PSTK: variants seen among roughly 807,000 people sequenced by gnomAD.
The protein encoded by PSTK is L-seryl-tRNA(Sec) kinase.
A neutral mutation model predicts 38.6 loss-of-function variants in PSTK; 26 were observed. That is an observed-to-expected ratio of 0.67 (90% CI 0.49 to 0.94). The LOEUF (loss-of-function observed/expected upper bound fraction) is 0.94, where lower values mean the gene tolerates loss of function less well. Ranked by LOEUF, PSTK falls within the 40% of genes least tolerant of loss-of-function variation. PSTK has a pLI of 0.00. For synonymous variants in PSTK, 181 were observed against 161.7 expected (o/e 1.12, Z -0.91); for missense variants, 445 against 436.3 (o/e 1.02, Z -0.18).
intron 5 of PSTK, chr10:122,987,630 A>G: frequency 7.4e-7 from 1 of 1,354,594 alleles, no homozygotes; most frequent in South Asian, 1.5e-5. Context: ...AGTTTTACAC[A>G]GTAATTCCAT....
intron 5 of PSTK, chr10:122,987,359 G>A (rs1041858887): frequency 6.2e-7 from 1 of 1,614,140 alleles, no homozygotes; most frequent in Non-Finnish European, 8.5e-7. Context: ...TCTCAGAGAT[G>A]ACATTTAAGC....
intron 3 of PSTK, chr10:122,983,715 G>T: frequency 2.3e-6 from 1 of 439,722 alleles, no homozygotes; most frequent in Non-Finnish European, 4.1e-6. Flanking sequence ...GTTGGAGCAG[G>T]GAATTCAGAG....
chr10:122,987,010 A>G, intron 5 of PSTK, 48 bp downstream of exon 5: 2 of 1,184,374 alleles, frequency 1.7e-6, no homozygotes, highest in Non-Finnish European at 2.5e-6. Context: ...GTGACTTTCT[A>G]CTGCTACTGT....
At chr10:122,988,981 T>C (rs912121976) in intron 5 of PSTK, among the ~76,000 whole-genome samples, 1 of 152,012 alleles carries the variant, frequency 6.6e-6, no homozygotes, top group Non-Finnish European at 1.5e-5. Flanking sequence ...GGTGTATCCA[T>C]ACAACAAAAT....
intron 3 of PSTK, chr10:122,983,994 A>C (rs546026871): frequency 1.5e-3 from 229 of 153,268 alleles, no homozygotes; most frequent in Non-Finnish European, 2.8e-3. Context: ...TATTTGCACT[A>C]ATATGGTAGC....
rs536233518 is a variant in PSTK at position 122,986,956 on chromosome 10, G to A, written c.871G>A (p.Ala291Thr). The A allele has an allele frequency of 5.0e-6, 8 of 1,603,894 alleles. No individual in the cohort carries two copies. Among genetic ancestry groups the A allele is most frequent in the Non-Finnish European group, 6.8e-6 (8 of 1,170,870 alleles). ...GATTGTATCTCAGACAATGAAGGAA[G>A]CAAAAGGTATGATGTGTCAGTTATG... ...RRIVSQTMKE[A>T]KDEQVLPHNL... Residue 291 changes from alanine (A) to threonine (T), a missense_variant, in exon 5 of 6, where the codon GCA (alanine) becomes ACA (threonine). Ala to Thr is a moderately conservative substitution (Grantham distance 58). Coordinates refer to ENST00000406217, the MANE Select transcript of PSTK (RefSeq NM_001363531.2).
chr10:122,987,621 GT>G, intron 5 of PSTK: 1 of 1,381,206 alleles, frequency 7.2e-7, no homozygotes, highest in Non-Finnish European at 9.6e-7. Flanking sequence ...GGTAACTAGA[GT>G]TTTACACAGT....
At position 122,980,582 on chromosome 10, in the gene PSTK, G is replaced by C. The variant is rs1848942034; in HGVS notation, c.103G>C (p.Ala35Pro). The C allele has an allele frequency of 1.2e-6, 2 of 1,611,750 alleles. No individual in the cohort carries two copies. The highest frequency in any genetic ancestry group is 1.7e-6 in the Non-Finnish European group (2 of 1,179,522). The change falls in exon 1 of 6, where the codon GCG becomes CCG. Residue 35 changes from alanine (A) to proline (P), a missense_variant. Coordinates refer to ENST00000406217, the MANE Select transcript of PSTK (RefSeq NM_001363531.2). The surrounding 1 kb of genome is among the most constrained non-coding windows in gnomAD (Gnocchi z 4.3). ...CCCCGCGGCAGGAAAATCGACTTTC[G>C]CGCGCGCCCTCGCCCACCGGCTGCA... is the stretch of plus-strand genomic sequence containing the variant. ...GLPAAGKSTF[A>P]RALAHRLQQE...
In PSTK at chr10:122,980,755, C is replaced by CGGGGCGGGGA. The variant is rs1554863770; in HGVS notation, c.216+64_216+65insCGGGGAGGGG. 1.4e-5 allele frequency: 5 copies of CGGGGCGGGGA among 354,410 alleles called. No homozygotes were observed. Among genetic ancestry groups the CGGGGCGGGGA allele is most frequent in the Non-Finnish European group, 1.2e-5 (3 of 250,854 alleles). 22.0% of individuals were successfully genotyped at this position (354,410 alleles called of 1,614,324 possible). A position where few individuals can be genotyped will look rare whatever the true frequency, so the allele number is the denominator to read the frequency against. On this transcript the variant is annotated intron_variant, in intron 1 of 5. Transcript: ENST00000406217. The surrounding 1 kb of genome is among the most constrained non-coding windows in gnomAD (Gnocchi z 4.3). ...CGGGGCGGGGCGGGGCGGGGCGGGG[C>CGGGGCGGGGA]GGGGACACTCGCGTCCACGCGGTCC...
chr10:122,986,460 T>A, intron 4 of PSTK, 85 bp downstream of exon 4: 1 of 982,322 alleles, frequency 1.0e-6, no homozygotes, highest in Non-Finnish European at 1.6e-6. Context: ...AAAATGTGAG[T>A]GAAACGGGAG....
At chr10:122,987,004 C>G (rs779781026) in intron 5 of PSTK, 42 bp downstream of exon 5, 4 of 1,212,142 alleles carry the variant, frequency 3.3e-6, no homozygotes, top group Non-Finnish European at 4.9e-6. Context: ...ATGATTGTGA[C>G]TTTCTACTGC....
chr10:122,986,137 C>T (rs1033566149), intron 3 of PSTK, 163 bp from the exon 4 acceptor site: 7 of 406,756 alleles, frequency 1.7e-5, no homozygotes, highest in African/African-American at 6.4e-5. Flanking sequence ...AGGAGAATGG[C>T]GCAAATCCGG....
chr10:122,987,396 G>A (rs1415590887), intron 5 of PSTK: 9 of 1,614,190 alleles, frequency 5.6e-6, no homozygotes, highest in Non-Finnish European at 7.6e-6. Flanking sequence ...GAACCATGCA[G>A]CTATCTGGAG....
intron 3 of PSTK, chr10:122,984,507 C>G (rs1013728332): frequency 2.6e-5 from 4 of 152,098 alleles, no homozygotes. Flanking sequence ...GGAATCTTAT[C>G]TTAAGGTTAT....
intron 1 of PSTK, 53 bp from the exon 2 acceptor site, chr10:122,982,680 G>T: frequency 6.5e-7 from 1 of 1,540,324 alleles, no homozygotes; most frequent in South Asian, 1.2e-5. Context: ...GAGGCCAGAT[G>T]ACTGACCACC....
intron 3 of PSTK, 49 bp from the exon 4 acceptor site, chr10:122,986,251 A>C: frequency 2.1e-5 from 22 of 1,040,142 alleles, no homozygotes; most frequent in Non-Finnish European, 2.8e-5. Flanking sequence ...AAAAAAAGTC[A>C]GATGTTGGAT....
chr10:122,990,365 CA>C lies in PSTK; in HGVS notation c.1070del (p.Gln357ArgfsTer?). On this transcript the variant is annotated frameshift_variant, in exon 6 of 6. Coordinates refer to ENST00000406217, the MANE Select transcript of PSTK (RefSeq NM_001363531.2). LOFTEE classifies it high-confidence loss of function. Reference sequence around the variant, plus strand: ...TATTGTACAGAAGTATTTTTCAAAGCAGCATTAAAATTTCTGAACTGCCAAT... The same window carrying C: ...TATTGTACAGAAGTATTTTTCAAAGCGCATTAAAATTTCTGAACTGCCAAT... ...DNIVQKYFSKQH is the reference protein window; with the variant it reads ...DNIVQKYFSKXH The C allele has an allele frequency of 6.9e-7, 1 of 1,446,580 alleles. No individual in the cohort carries two copies. The highest frequency in any genetic ancestry group is 9.1e-7 in the Non-Finnish European group (1 of 1,093,270). 89.6% of individuals were successfully genotyped at this position (1,446,580 alleles called of 1,614,324 possible). A position where few individuals can be genotyped will look rare whatever the true frequency, so the allele number is the denominator to read the frequency against.
rs4980171 is a variant in PSTK, at chr10:122,983,684, C to T, written c.707+214C>T. 4 of 545,992 alleles carry T rather than the reference C, an allele frequency of 7.3e-6. No individual in the cohort carries two copies. The South Asian group carries it at 9.4e-5, about 13-fold the overall frequency. The allele number at this position is 545,992 out of a possible 1,614,324, so 33.8% of individuals were successfully genotyped here. Reference sequence around the variant, plus strand: ...TGCAAATGTCTGCTCATAACTGTTACGATTATACTGTCTTCCAGTAGTTGG... The same window carrying T: ...TGCAAATGTCTGCTCATAACTGTTATGATTATACTGTCTTCCAGTAGTTGG... On this transcript the variant is annotated intron_variant, in intron 3 of 5. Coordinates refer to ENST00000406217, the MANE Select transcript of PSTK (RefSeq NM_001363531.2).
intron 4 of PSTK, 61 bp from the exon 5 acceptor site, chr10:122,986,808 C>T (rs1203083980): frequency 9.1e-7 from 1 of 1,099,038 alleles, no homozygotes; most frequent in African/African-American, 1.6e-5. Context: ...GTGACCTATT[C>T]TTTAGCCATT....
Sources: allele counts gnomAD v4.1 joint callset (sites outside exome capture counted in the v4.1 genomes callset), GRCh38; gene constraint gnomAD v4.1.1; non-coding constraint Gnocchi (gnomAD v3.1); transcripts MANE v1.5; gene names NCBI Gene and HGNC (gene_info 2026-07-23, HGNC 2026-07-21).